AFF3: variants seen among roughly 807,000 people sequenced by gnomAD.
The protein encoded by AFF3 is AF4/FMR2 family member 3.
AFF3 carries 32 observed loss-of-function variants against 129.7 expected under a neutral mutation model. The ratio of observed to expected loss-of-function variants is 0.25; its 90% CI spans 0.19 to 0.33. The LOEUF (loss-of-function observed/expected upper bound fraction) is 0.33, where lower values mean the gene tolerates loss of function less well. AFF3 is among the 10% of genes least tolerant of loss of function. AFF3 has a pLI of 1.00. For synonymous variants in AFF3, 644 were observed against 635.4 expected (o/e 1.01, Z -0.20); for missense variants, 1,373 against 1,592.0 (o/e 0.86, Z 2.34).
At chr2:99,624,078 G>A (rs1682313600) in intron 13 of AFF3, among the ~76,000 whole-genome samples, 1 of 152,188 alleles carries the variant, frequency 6.6e-6, no homozygotes, top group African/African-American at 2.4e-5. Flanking sequence ...TGGAGCCACC[G>A]GGTTGCTTCT....
chr2:99,811,200 G>A (rs191879834), intron 8 of AFF3, among the ~76,000 whole-genome samples: 2 of 152,248 alleles, frequency 1.3e-5, no homozygotes, highest in East Asian at 3.9e-4. Context: ...GTACAACTCA[G>A]GACCTTATGT....
chr2:99,996,953 C>T (rs372170810), intron 7 of AFF3, among the ~76,000 whole-genome samples: 4 of 152,030 alleles, frequency 2.6e-5, no homozygotes, highest in Non-Finnish European at 2.9e-5. Context: ...CGTGGCTTCC[C>T]GAAGCTATAC....
In AFF3 at chr2:99,593,337, A is replaced by C; in HGVS notation, c.2324T>G (p.Leu775Arg). The change falls in exon 15 of 25, where the codon CTG becomes CGG. Residue 775 changes from leucine to arginine, a missense_variant. Coordinates refer to ENST00000672756, the MANE Select transcript of AFF3 (RefSeq NM_001386135.1). ...SLWVKIDLTLLSRIPEHLPQE... is the reference protein window; with the variant it reads ...SLWVKIDLTLRSRIPEHLPQE... Reference sequence around the variant, plus strand: ...GGGCAGGTGTTCTGGGATCCTGGACAGGAGGGTCAGGTCGATTTTGACCCA... The same window carrying C: ...GGGCAGGTGTTCTGGGATCCTGGACCGGAGGGTCAGGTCGATTTTGACCCA... 1 of 1,614,082 alleles carries C rather than the reference A, an allele frequency of 6.2e-7. No individual in the cohort carries two copies. The highest frequency in any genetic ancestry group is 8.5e-7 in the Non-Finnish European group (1 of 1,179,996).
chr2:99,649,692 T>G (rs780697189), intron 12 of AFF3, 26 bp from the exon 13 acceptor site: 1 of 1,613,450 alleles, frequency 6.2e-7, no homozygotes, highest in Non-Finnish European at 8.5e-7. Flanking sequence ...GGCAGAGATG[T>G]TTATTTAATA....
chr2:100,000,378 A>G (rs932036681), intron 7 of AFF3, among the ~76,000 whole-genome samples: 1 of 152,196 alleles, frequency 6.6e-6, no homozygotes, highest in African/African-American at 2.4e-5. Context: ...GGAGGGGGCT[A>G]GCATCAAATA....
At chr2:99,949,344 C>T (rs115528962) in intron 7 of AFF3, among the ~76,000 whole-genome samples, 1 of 151,918 alleles carries the variant, frequency 6.6e-6, no homozygotes, top group Non-Finnish European at 1.5e-5. Flanking sequence ...TGCAGCAGTC[C>T]CCAATCTTTT....
chr2:99,969,803 A>G (rs973311777), intron 7 of AFF3, among the ~76,000 whole-genome samples: 1 of 152,164 alleles, frequency 6.6e-6, no homozygotes, highest in African/African-American at 2.4e-5. Context: ...ATGCCTGGCC[A>G]AATCTAGATA....
chr2:100,080,311 A>C (rs985958547), intron 4 of AFF3, among the ~76,000 whole-genome samples: 3 of 152,194 alleles, frequency 2.0e-5, no homozygotes, highest in African/African-American at 7.2e-5. Flanking sequence ...TAGTAGTTAG[A>C]TGTTTATTGT....
At chr2:99,869,914 T>C (rs1015976746) in intron 7 of AFF3, among the ~76,000 whole-genome samples, 1 of 152,210 alleles carries the variant, frequency 6.6e-6, no homozygotes, top group African/African-American at 2.4e-5. Flanking sequence ...CAGTGATAGA[T>C]GGGCTAGACA....
chr2:99,579,412 A>AT lies in AFF3; in HGVS notation c.2794-962_2794-961insA, dbSNP rs1262585897. ...AAGAGTGAAACTCCGTCTCAAAAAAAAAAAAAAATAAATAAATAAATTCTA... is the reference window on the plus strand; with the variant it reads ...AAGAGTGAAACTCCGTCTCAAAAAAATAAAAAAAATAAATAAATAAATTCTA... On this transcript the variant is annotated intron_variant, in intron 17 of 24. Transcript: ENST00000672756. 6.3e-4 allele frequency among the ~76,000 whole-genome samples: 93 copies of AT among 147,200 alleles called. 1 individual carries two copies. Among genetic ancestry groups the AT allele is most frequent in the African/African-American group, 2.0e-3 (79 of 39,776 alleles).
intron 8 of AFF3, among the ~76,000 whole-genome samples, chr2:99,770,032 G>T (rs769981582): frequency 6.6e-6 from 1 of 152,204 alleles, no homozygotes; most frequent in East Asian, 1.9e-4. Flanking sequence ...CTCTATGATC[G>T]GCAGACGGTG....
intron 7 of AFF3, among the ~76,000 whole-genome samples, chr2:99,842,740 C>T (rs1034730669): frequency 6.6e-6 from 1 of 152,110 alleles, no homozygotes; most frequent in Non-Finnish European, 1.5e-5. Context: ...AAGTGTAGCT[C>T]GGGGAATAGC....
At chr2:99,890,769 G>A (rs2106078574) in intron 7 of AFF3, among the ~76,000 whole-genome samples, 1 of 152,216 alleles carries the variant, frequency 6.6e-6, no homozygotes, top group East Asian at 1.9e-4. Context: ...GGCCTATCAG[G>A]TACAGATCCA....
chr2:99,622,699 T>C (rs1436451633), intron 13 of AFF3, among the ~76,000 whole-genome samples: 3 of 152,120 alleles, frequency 2.0e-5, no homozygotes, highest in East Asian at 3.9e-4. Flanking sequence ...CCCAGCCTGA[T>C]TGGATGGAGT....
intron 4 of AFF3, among the ~76,000 whole-genome samples, chr2:100,028,820 A>G (rs1419839906): frequency 6.6e-6 from 1 of 152,210 alleles, no homozygotes; most frequent in African/African-American, 2.4e-5. Flanking sequence ...TGATGGAAAT[A>G]CAAAGTGGGC....
chr2:100,064,176 T>C (rs1050384752), intron 4 of AFF3, among the ~76,000 whole-genome samples: 12 of 151,700 alleles, frequency 7.9e-5, no homozygotes, highest in Middle Eastern at 3.4e-3. Flanking sequence ...ACAACAATGA[T>C]AAAGAAAAGA....
chr2:99,940,073 C>T (rs1322567012), intron 7 of AFF3, among the ~76,000 whole-genome samples: 1 of 152,142 alleles, frequency 6.6e-6, no homozygotes, highest in African/African-American at 2.4e-5. Context: ...ATGCGTATGT[C>T]TAATGTGGCA....
rs569878569 is a variant in AFF3 at position 99,915,757 on chromosome 2, T to C, written c.874-78233A>G. ...CTGAAATGAATTTGCTATTTCTGGG[T>C]AGTACACACCCAGGTGTTTACTGTA... is the stretch of plus-strand genomic sequence containing the variant. On this transcript the variant is annotated intron_variant, in intron 7 of 24. Coordinates refer to ENST00000672756, the MANE Select transcript of AFF3 (RefSeq NM_001386135.1). Among the ~76,000 whole-genome samples the C allele has an allele frequency of 1.6e-4, 25 of 152,356 alleles. No individual in the cohort carries two copies. The South Asian group carries it at 3.5e-3, about 21-fold the overall frequency.
At chr2:99,938,451 G>C (rs1674726475) in intron 7 of AFF3, among the ~76,000 whole-genome samples, 1 of 152,272 alleles carries the variant, frequency 6.6e-6, no homozygotes, top group East Asian at 1.9e-4. Context: ...TGATGATGAT[G>C]ATGATGATAT....
Sources: gnomAD v4.1 joint callset for allele counts (sites outside exome capture counted in the v4.1 genomes callset) on GRCh38, gnomAD v4.1.1 for gene constraint, MANE v1.5 for transcripts, NCBI Gene and HGNC (gene_info 2026-07-23, HGNC 2026-07-21) for gene names.